Variants in FOXM1 observed in about 807,000 individuals in gnomAD.
FOXM1 encodes forkhead box protein M1.
FOXM1 carries 25 observed loss-of-function variants against 63.6 expected under a neutral mutation model. The ratio of observed to expected loss-of-function variants is 0.39; its 90% CI spans 0.29 to 0.55. The LOEUF (loss-of-function observed/expected upper bound fraction) is 0.55. Among genes scored for constraint, FOXM1 ranks in the 20% least tolerant of loss-of-function variants. The probability of loss-of-function intolerance (pLI) is 0.60; values close to 1 mark genes in which losing one functional copy is unlikely to be tolerated. For missense variants in FOXM1, 879 were observed against 958.7 expected, an observed-to-expected ratio of 0.92 and a Z score of 1.10; for synonymous variants, 387 against 376.9, an observed-to-expected ratio of 1.03 and a Z score of -0.31.
At chr12:2,867,520 G>C (rs1049006703) in intron 4 of FOXM1, among the ~76,000 whole-genome samples, 1 of 151,944 alleles carries the variant, frequency 6.6e-6, no homozygotes, top group Non-Finnish European at 1.5e-5. Context: ...GAATTAGCCA[G>C]GCGTAGTGGC....
In FOXM1 at chr12:2,857,711, A is replaced by G. The variant is rs1364736865; in HGVS notation, c.*927T>C. On this transcript the variant is annotated 3_prime_UTR_variant, in exon 9 of 9. Transcript: ENST00000359843. ...CCACCTTCGCTTTTATTGAGTAGTT[A>G]GTGTTCTCAAGCTGGCTCACACCCA... 1 of 152,790 alleles carries G rather than the reference A, an allele frequency of 6.5e-6. No homozygotes were observed. The highest frequency in any genetic ancestry group is 1.9e-4 in the East Asian group (1 of 5,200). 9.5% of individuals were successfully genotyped at this position (152,790 alleles called of 1,614,324 possible). A position where few individuals can be genotyped will look rare whatever the true frequency, so the allele number is the denominator to read the frequency against.
intron 3 of FOXM1, among the ~76,000 whole-genome samples, chr12:2,869,835 CCTTGG>C (rs1039602336): frequency 6.6e-6 from 1 of 151,854 alleles, no homozygotes; most frequent in African/African-American, 2.4e-5. Context: ...AATCTGCCCA[CCTTGG>C]CCTCCCAAAG....
In FOXM1 at chr12:2,873,943, G is replaced by A. The variant is rs770657625; in HGVS notation, c.502+34C>T. On this transcript the variant is annotated intron_variant, in intron 2 of 8. Transcript: ENST00000359843. ...CTTGCCACTACAGAGGAAAGGCTGG[G>A]CTCCCTCACCCCTTTCCCTGGAAGA... 33 of 1,581,102 alleles carry A rather than the reference G, an allele frequency of 2.1e-5. No homozygotes were observed. The Admixed American group carries it at 5.8e-4, about 28-fold the overall frequency.
At chr12:2,867,979 CAA>C (rs60064456) in intron 4 of FOXM1, among the ~76,000 whole-genome samples, 3,258 of 68,214 alleles carry the variant, frequency 0.048, 96 homozygotes, top group African/African-American at 0.16. Context: ...GACTCTGTCT[CAA>C]AAAAAAAAAA....
chr12:2,863,229 A>G (rs909543279), intron 8 of FOXM1, among the ~76,000 whole-genome samples: 8 of 152,168 alleles, frequency 5.3e-5, no homozygotes, highest in African/African-American at 1.9e-4. Flanking sequence ...CCCACGCCCA[A>G]CAAAGAATTC....
At position 2,872,156 on chromosome 12, in the gene FOXM1, G is replaced by A. The variant is rs747547752; in HGVS notation, c.594C>T (p.Arg198=). The A allele has an allele frequency of 4.3e-6, 7 of 1,614,184 alleles. No individual in the cohort carries two copies. In the South Asian group the frequency reaches 5.5e-5, roughly 13 times the overall value. Residue 198 remains arginine (R), a synonymous_variant, in exon 3 of 9, where the codon CGC becomes CGT. Coordinates refer to ENST00000359843, the MANE Select transcript of FOXM1 (RefSeq NM_021953.4). This position sits in a 1 kb window ranked among gnomAD's most constrained non-coding sequence, Gnocchi z 4.0. ...TTTCCTCCATCTCTTGCTTGATGCT[G>A]CGGGAGCCCAGTCCATCAGAACTCA... ...RKMSSDGLGS[R]SIKQEMEEKE... is the part of the protein sequence containing the mutation.
chr12:2,861,184 A>AAG, intron 8 of FOXM1: 1 of 567,950 alleles, frequency 1.8e-6, no homozygotes, highest in African/African-American at 2.0e-5. Context: ...AAAAAAAAAG[A>AAG]GCTCTCACAA....
chr12:2,874,055 C>T lies in FOXM1; in HGVS notation c.424G>A (p.Gly142Arg). 1 of 1,614,118 alleles carries T rather than the reference C, an allele frequency of 6.2e-7. No homozygotes were observed. Among genetic ancestry groups the T allele is most frequent in the Non-Finnish European group, 8.5e-7 (1 of 1,180,040 alleles). Reference sequence around the variant, plus strand: ...ACATCCCTAGCTGCAGGTTTTGGTCCCAAGGTCTCCAGGGTCACTTCTGTC... The same window carrying T: ...ACATCCCTAGCTGCAGGTTTTGGTCTCAAGGTCTCCAGGGTCACTTCTGTC... ...KRTEVTLETL[G>R]PKPAARDVNL... The change falls in exon 2 of 9, where the codon GGA (glycine) becomes AGA (arginine). Residue 142 changes from glycine to arginine, a missense_variant. By Grantham distance (125) the Gly-to-Arg change is moderately radical. Around this residue, in one of 4 missense-constraint regions of FOXM1, gnomAD observed 255 missense variants for 292.4 expected, o/e 0.87. Coordinates refer to ENST00000359843, the MANE Select transcript of FOXM1 (RefSeq NM_021953.4). This position sits in a 1 kb window ranked among gnomAD's most constrained non-coding sequence, Gnocchi z 4.3.
intron 3 of FOXM1, among the ~76,000 whole-genome samples, chr12:2,869,639 A>G (rs182094805): frequency 6.6e-6 from 1 of 151,426 alleles, no homozygotes; most frequent in African/African-American, 2.4e-5. Flanking sequence ...GGTTTACCAT[A>G]TTGGCCAGGC....
At position 2,858,734 on chromosome 12, in the gene FOXM1, G is replaced by A. The variant is rs964344748; in HGVS notation, c.2196C>T (p.Ser732=). The A allele has an allele frequency of 6.2e-7, 1 of 1,614,196 alleles. No homozygotes were observed. Among genetic ancestry groups the A allele is most frequent in the South Asian group, 1.1e-5 (1 of 91,086 alleles). ...LVLDTMNDSL[S]KILLDISFPG... ...GAAAGCTGATGTCCAGCAGGATCTTGCTGAGGCTGTCATTCATTGTGTCCA... is the reference window on the plus strand; with the variant it reads ...GAAAGCTGATGTCCAGCAGGATCTTACTGAGGCTGTCATTCATTGTGTCCA... Residue 732 remains serine (S), a synonymous_variant, in exon 9 of 9, where the codon AGC becomes AGT. Coordinates refer to ENST00000359843, the MANE Select transcript of FOXM1 (RefSeq NM_021953.4).
intron 4 of FOXM1, chr12:2,868,346 T>C (rs2098127293): frequency 2.4e-6 from 1 of 416,952 alleles, no homozygotes; most frequent in African/African-American, 2.1e-5. Context: ...AGACCCTCCA[T>C]GGACTTTAGG....
chr12:2,858,899 G>C lies in FOXM1; in HGVS notation c.2031C>G (p.Leu677=), dbSNP rs778283602. The part of the protein sequence containing the change: ...APPLESPQRL[L]SSEPLDLISV... ...AGATGAGGTCTAAGGGTTCTGAACT[G>C]AGGAGCCTTTGCGGTGATTCAAGGG... Residue 677 remains leucine (L), a synonymous_variant, in exon 9 of 9, where the codon CTC becomes CTG. Transcript: ENST00000359843. 8 of 1,614,048 alleles carry C rather than the reference G, an allele frequency of 5.0e-6. No individual in the cohort carries two copies. In the East Asian group the frequency reaches 1.3e-4, roughly 27 times the overall value.
In FOXM1 at chr12:2,859,116, G is replaced by C; in HGVS notation, c.1814C>G (p.Thr605Arg). Residue 605 changes from threonine (T) to arginine (R), a missense_variant, in exon 9 of 9, where the codon ACG becomes AGG. Thr to Arg is a moderately conservative substitution (Grantham distance 71). This residue lies in a region of FOXM1 where 486 missense variants were observed against 453.5 expected (regional missense o/e 1.07). Transcript: ENST00000359843. ...GGPFKTPIKE[T>R]LPISSTPSKS... ...GCTCGGGGTGGAGGAGATGGGCAGC[G>C]TTTCCTTAATGGGTGTCTTAAAAGG... 1.2e-6 allele frequency: 2 copies of C among 1,605,794 alleles called. No individual in the cohort carries two copies. The highest frequency in any genetic ancestry group is 1.7e-6 in the Non-Finnish European group (2 of 1,176,962).
At chr12:2,873,235 T>TA (rs2098136184) in intron 2 of FOXM1, among the ~76,000 whole-genome samples, 1 of 151,474 alleles carries the variant, frequency 6.6e-6, no homozygotes, top group Non-Finnish European at 1.5e-5. Context: ...CTGTCTCTAC[T>TA]AAAAAATACC....
intron 8 of FOXM1, among the ~76,000 whole-genome samples, chr12:2,860,877 A>G (rs1222742146): frequency 1.3e-5 from 2 of 150,006 alleles, no homozygotes; most frequent in East Asian, 3.9e-4. Flanking sequence ...AAAAAAAAAA[A>G]ACTCTCACAG....
chr12:2,870,694 C>G (rs751265152), intron 3 of FOXM1, among the ~76,000 whole-genome samples: 1 of 151,640 alleles, frequency 6.6e-6, no homozygotes, highest in Admixed American at 6.6e-5. Flanking sequence ...GGCGCAGTGG[C>G]TCACGCCTGT....
Position 2,859,101 on chromosome 12 carries a change from G to A in FOXM1, c.1829C>T (p.Ser610Phe). 6.2e-7 allele frequency: 1 copy of A among 1,606,652 alleles called. No homozygotes were observed. The highest frequency in any genetic ancestry group is 8.5e-7 in the Non-Finnish European group (1 of 1,177,278). ...GGGGAGGACAGATTTGCTCGGGGTGGAGGAGATGGGCAGCGTTTCCTTAAT... is the reference window on the plus strand; with the variant it reads ...GGGGAGGACAGATTTGCTCGGGGTGAAGGAGATGGGCAGCGTTTCCTTAAT... ...TPIKETLPIS[S>F]TPSKSVLPRT... Residue 610 changes from serine to phenylalanine, a missense_variant, in exon 9 of 9, where the codon TCC (serine) becomes TTC (phenylalanine). Ser to Phe is a radical substitution (Grantham distance 155). This residue lies in a region of FOXM1 where 486 missense variants were observed against 453.5 expected (regional missense o/e 1.07). Coordinates refer to ENST00000359843, the MANE Select transcript of FOXM1 (RefSeq NM_021953.4).
At position 2,859,193 on chromosome 12, in the gene FOXM1, T is replaced by A; in HGVS notation, c.1737A>T (p.Ala579=). 6.2e-7 allele frequency: 1 copy of A among 1,611,028 alleles called. No homozygotes were observed. Among genetic ancestry groups the A allele is most frequent in the Non-Finnish European group, 8.5e-7 (1 of 1,178,236 alleles). The part of the protein sequence containing the change: ...SRWAAELPFP[A]DSSDPASQLS... ...GCTGGGAGGCAGGGTCAGAGGAGTC[T>A]GCTGGGAACGGGAGCTCTGCGGCCC... Residue 579 remains alanine (A), a synonymous_variant, in exon 9 of 9, where the codon GCA becomes GCT. Coordinates refer to ENST00000359843, the MANE Select transcript of FOXM1 (RefSeq NM_021953.4).
rs1176399807 is a variant in FOXM1, at chr12:2,868,666, G to A, written c.743C>T (p.Ala248Val). 1 of 1,613,892 alleles carries A rather than the reference G, an allele frequency of 6.2e-7. No homozygotes were observed. The highest frequency in any genetic ancestry group is 1.3e-5 in the African/African-American group (1 of 75,018). ...GCGCTTCCTCTCAGTGCTGTTGATG[G>A]CGAATTGTATCATGGCCATGTAAGA... ...PYSYMAMIQFAINSTERKRMT... is the reference protein window; with the variant it reads ...PYSYMAMIQFVINSTERKRMT... Residue 248 changes from alanine to valine, a missense_variant, in exon 4 of 9, where the codon GCC (alanine) becomes GTC (valine). This residue lies in a region of FOXM1 where 62 missense variants were observed against 118.2 expected (regional missense o/e 0.52). Transcript: ENST00000359843.
Sources: allele counts gnomAD v4.1 joint callset (sites outside exome capture counted in the v4.1 genomes callset), GRCh38; gene constraint gnomAD v4.1.1; regional missense constraint gnomAD v4.1.1; non-coding constraint Gnocchi (gnomAD v3.1); transcripts MANE v1.5; gene names NCBI Gene and HGNC (gene_info 2026-07-23, HGNC 2026-07-21).